Variants in SLC25A26 observed in about 807,000 individuals in gnomAD.
SLC25A26 encodes solute carrier family 25 member 26, also known as mitochondrial S-adenosylmethionine carrier protein.
A neutral mutation model predicts 37.8 loss-of-function variants in SLC25A26; 36 were observed. That is an observed-to-expected ratio of 0.95 (90% CI 0.73 to 1.26). The LOEUF (loss-of-function observed/expected upper bound fraction) is 1.26. SLC25A26 is among the 50% of genes most tolerant of loss of function. The probability of loss-of-function intolerance (pLI) is 0.00; values close to 1 mark genes in which losing one functional copy is unlikely to be tolerated. For synonymous variants in SLC25A26, 129 were observed against 122.5 expected, an observed-to-expected ratio of 1.05 and a Z score of -0.35; for missense variants, 390 against 331.1, an observed-to-expected ratio of 1.18 and a Z score of -1.38.
intron 1 of SLC25A26, among the ~76,000 whole-genome samples, chr3:66,153,666 G>C (rs146627430): frequency 6.6e-6 from 1 of 152,222 alleles, no homozygotes; most frequent in Non-Finnish European, 1.5e-5. Flanking sequence ...AACATCTTGA[G>C]CCAGGAATGC....
At chr3:66,368,976 A>AC (rs1178050055) in intron 7 of SLC25A26, among the ~76,000 whole-genome samples, 20 of 146,796 alleles carry the variant, frequency 1.4e-4, no homozygotes, top group African/African-American at 4.6e-4. Flanking sequence ...AGTTATGATC[A>AC]CACCACTGCA....
At chr3:66,337,460 T>C (rs903399526) in intron 5 of SLC25A26, among the ~76,000 whole-genome samples, 6 of 152,076 alleles carry the variant, frequency 3.9e-5, no homozygotes, top group Non-Finnish European at 8.8e-5. Context: ...TTAAATATTA[T>C]GAAATTCTCT....
chr3:66,187,433 C>T (rs925117818), intron 1 of SLC25A26, among the ~76,000 whole-genome samples: 1,644 of 152,138 alleles, frequency 0.011, 31 homozygotes, highest in African/African-American at 0.037. Context: ...TCGGATTTGG[C>T]CATCACCCTG....
intron 6 of SLC25A26, among the ~76,000 whole-genome samples, chr3:66,359,353 C>T (rs745991436): frequency 1.3e-5 from 2 of 152,210 alleles, no homozygotes; most frequent in Non-Finnish European, 2.9e-5. Context: ...TTCTTGACTA[C>T]AATACCTGAC....
chr3:66,244,510 T>TA (rs2072733734), intron 3 of SLC25A26, among the ~76,000 whole-genome samples: 1 of 152,168 alleles, frequency 6.6e-6, no homozygotes, highest in Admixed American at 6.5e-5. Flanking sequence ...GTAAAGAAGA[T>TA]AGACTTTTTC....
At chr3:66,212,080 C>CT (rs1281291855) in intron 1 of SLC25A26, among the ~76,000 whole-genome samples, 1 of 152,166 alleles carries the variant, frequency 6.6e-6, no homozygotes, top group Non-Finnish European at 1.5e-5. Context: ...ATTCACATAA[C>CT]TTTTGTTACA....
At chr3:66,356,181 C>T (rs79448160) in intron 6 of SLC25A26, 25,007 of 434,836 alleles carry the variant, frequency 0.058, 914 homozygotes, top group South Asian at 0.074. Context: ...AAGTGAAAAA[C>T]AAAGCCTTCT....
intron 5 of SLC25A26, among the ~76,000 whole-genome samples, chr3:66,321,784 T>C (rs936761668): frequency 6.6e-6 from 1 of 151,662 alleles, no homozygotes; most frequent in Non-Finnish European, 1.5e-5. Context: ...GAGAGTGGTG[T>C]ATGCTAGTTA....
chr3:66,285,707 G>C (rs564983389), intron 5 of SLC25A26, among the ~76,000 whole-genome samples: 6 of 151,796 alleles, frequency 4.0e-5, no homozygotes, highest in Non-Finnish European at 7.4e-5. Context: ...TGATCTACCT[G>C]CCTTGGCCTC....
intron 7 of SLC25A26, among the ~76,000 whole-genome samples, chr3:66,368,520 A>G (rs1369036284): frequency 2.0e-5 from 3 of 152,210 alleles, no homozygotes; most frequent in Non-Finnish European, 2.9e-5. Flanking sequence ...ACTCAGGCTA[A>G]GAAGATGTAG....
chr3:66,311,228 T>C (rs2075367675), intron 5 of SLC25A26, among the ~76,000 whole-genome samples: 1 of 152,108 alleles, frequency 6.6e-6, no homozygotes, highest in South Asian at 2.1e-4. Context: ...TCACACTTTA[T>C]TTCATTAAGT....
intron 7 of SLC25A26, among the ~76,000 whole-genome samples, chr3:66,367,707 C>G (rs149546657): frequency 0.05 from 6,895 of 136,764 alleles, 503 homozygotes; most frequent in African/African-American, 0.2. Context: ...CAGACAGACA[C>G]AGAGAGAGAG....
intron 1 of SLC25A26, among the ~76,000 whole-genome samples, chr3:66,203,417 A>G (rs925688434): frequency 2.4e-4 from 36 of 152,134 alleles, no homozygotes; most frequent in Non-Finnish European, 4.4e-4. Context: ...GCCCAATTCA[A>G]TTAATAAATT....
chr3:66,292,029 C>T (rs558037091), intron 5 of SLC25A26, among the ~76,000 whole-genome samples: 4 of 152,164 alleles, frequency 2.6e-5, no homozygotes, highest in South Asian at 2.1e-4. Flanking sequence ...CTTCTTGTTG[C>T]GTTGATCCCT....
chr3:66,209,898 T>TCTCTCTCTA, intron 1 of SLC25A26, among the ~76,000 whole-genome samples: 1 of 38,616 alleles, frequency 2.6e-5, no homozygotes, highest in African/African-American at 8.8e-5. Context: ...CTCTCTCTAT[T>TCTCTCTCTA]TATATATATA....
intron 5 of SLC25A26, among the ~76,000 whole-genome samples, chr3:66,340,153 G>A (rs2076176635): frequency 6.6e-6 from 1 of 152,002 alleles, no homozygotes; most frequent in African/African-American, 2.4e-5. Flanking sequence ...TTCGAAGATT[G>A]TTTAACCATA....
At position 66,295,849 on chromosome 3, in the gene SLC25A26, G is replaced by A. The variant is rs549523481; in HGVS notation, c.453+32470G>A. Among the ~76,000 whole-genome samples, 11 of 152,024 alleles carry A rather than the reference G, an allele frequency of 7.2e-5. No individual in the cohort carries two copies. The South Asian group carries it at 1.9e-3, about 26-fold the overall frequency. The stretch of plus-strand genomic sequence containing the variant: ...TAAATTCCATTTCTTGTCTGGGCAC[G>A]GTGGCTCACGCCTGTAATCCCAGCT... On this transcript the variant is annotated intron_variant, in intron 5 of 9. Coordinates refer to ENST00000354883, the MANE Select transcript of SLC25A26 (RefSeq NM_001379210.1).
At chr3:66,294,802 A>C (rs1250828715) in intron 5 of SLC25A26, among the ~76,000 whole-genome samples, 1 of 152,210 alleles carries the variant, frequency 6.6e-6, no homozygotes, top group Non-Finnish European at 1.5e-5. Flanking sequence ...TGATTACCAC[A>C]CGTAATTGTT....
intron 5 of SLC25A26, among the ~76,000 whole-genome samples, chr3:66,285,344 CT>C (rs1249482871): frequency 1.3e-5 from 2 of 151,282 alleles, no homozygotes; most frequent in Admixed American, 1.3e-4. Context: ...AGTTGTTTAC[CT>C]GAGATAAATT....
Sources: gnomAD v4.1 joint callset for allele counts (sites outside exome capture counted in the v4.1 genomes callset) on GRCh38, gnomAD v4.1.1 for gene constraint, MANE v1.5 for transcripts, NCBI Gene and HGNC (gene_info 2026-07-23, HGNC 2026-07-21) for gene names.